Variants in IGF2R observed in about 807,000 individuals in gnomAD.
The protein encoded by IGF2R is insulin like growth factor 2 receptor.
IGF2R carries 91 observed loss-of-function variants against 270.6 expected under a neutral mutation model. That is an observed-to-expected ratio of 0.34 (90% CI 0.28 to 0.40). The LOEUF (loss-of-function observed/expected upper bound fraction) is 0.40, where lower values mean the gene tolerates loss of function less well. Among genes scored for constraint, IGF2R ranks in the 10% least tolerant of loss-of-function variants. The pLI is 1.00. For synonymous variants in IGF2R, 1,316 were observed against 1,258.9 expected, an observed-to-expected ratio of 1.05 and a Z score of -0.96; for missense variants, 2,805 against 3,188.3, an observed-to-expected ratio of 0.88 and a Z score of 2.90.
chr6:160,050,141 G>A lies in IGF2R; in HGVS notation c.2515-332G>A, dbSNP rs1195344640. ...CTGAAGAACATCTTACACGATTATT[G>A]AACGAAAGCCTTATGATTCCAATGC... On this transcript the variant is annotated intron_variant, in intron 18 of 47. Transcript: ENST00000356956. This position sits in a 1 kb window ranked among gnomAD's most constrained non-coding sequence, Gnocchi z 4.0. Among the ~76,000 whole-genome samples, 1 of 152,204 alleles carries A rather than the reference G, an allele frequency of 6.6e-6. No individual in the cohort carries two copies. The highest frequency in any genetic ancestry group is 1.5e-5 in the Non-Finnish European group (1 of 68,034).
In IGF2R at chr6:160,043,160, A is replaced by G. The variant is rs371868713; in HGVS notation, c.1493A>G (p.Asn498Ser). 1.4e-5 allele frequency: 23 copies of G among 1,614,064 alleles called. No individual in the cohort carries two copies. The African/African-American group carries it at 2.4e-4, about 17-fold the overall frequency. The change falls in exon 12 of 48, where the codon AAT (asparagine) becomes AGT (serine). Residue 498 changes from asparagine (N) to serine (S), a missense_variant. Asn to Ser is a conservative substitution (Grantham distance 46). Transcript: ENST00000356956. ...ALVRHAEPEQ[N>S]WEAVDGSQTE... The stretch of plus-strand genomic sequence containing the variant: ...TGTTTTGTTACAGAACCAGAGCAGA[A>G]TTGGGAAGCTGTGGATGGCAGTCAG...
At chr6:160,056,609 C>G (rs1778323015) in intron 20 of IGF2R, 84 bp downstream of exon 20, 7 of 869,714 alleles carry the variant, frequency 8.0e-6, no homozygotes, top group South Asian at 7.9e-5. Flanking sequence ...TCTGAACCGA[C>G]CCCTGCCCCT....
At chr6:159,989,448 AAC>A (rs1252280303) in intron 1 of IGF2R, among the ~76,000 whole-genome samples, 4 of 152,274 alleles carry the variant, frequency 2.6e-5, no homozygotes, top group African/African-American at 9.6e-5. Flanking sequence ...TAGGGTGAAT[AAC>A]ACAGTTATGT....
chr6:159,998,361 T>C lies in IGF2R; in HGVS notation c.289+7038T>C, dbSNP rs1368178093. On this transcript the variant is annotated intron_variant, in intron 2 of 47. Transcript: ENST00000356956. This position sits in a 1 kb window ranked among gnomAD's most constrained non-coding sequence, Gnocchi z 4.1. ...TGAAGGATAATTTGTGAGCTTGGCC[T>C]CACTGGACAAAGTTTGAGTTTGACC... Among the ~76,000 whole-genome samples, 1 of 152,204 alleles carries C rather than the reference T, an allele frequency of 6.6e-6. No individual in the cohort carries two copies. Among genetic ancestry groups the C allele is most frequent in the Non-Finnish European group, 1.5e-5 (1 of 68,020 alleles).
At chr6:160,056,295 G>C (rs1778315570) in intron 19 of IGF2R, 129 bp from the exon 20 acceptor site, 2 of 676,748 alleles carry the variant, frequency 3.0e-6, no homozygotes, top group Admixed American at 4.3e-5. Flanking sequence ...TAAGTGCCTA[G>C]CTTATTGGCT....
At chr6:160,101,305 T>G (rs961358629) in intron 45 of IGF2R, among the ~76,000 whole-genome samples, 9 of 152,222 alleles carry the variant, frequency 5.9e-5, no homozygotes, top group African/African-American at 2.2e-4. Context: ...CGAGTGGTCC[T>G]GAGTGGCTGG....
At chr6:160,078,755 C>T (rs1778910268) in intron 37 of IGF2R, among the ~76,000 whole-genome samples, 1 of 152,182 alleles carries the variant, frequency 6.6e-6, no homozygotes, top group South Asian at 2.1e-4. Flanking sequence ...ATTCCTCCAA[C>T]CTGGTTGAAG....
intron 4 of IGF2R, among the ~76,000 whole-genome samples, chr6:160,017,970 A>G (rs1777344498): frequency 6.6e-6 from 1 of 152,184 alleles, no homozygotes; most frequent in Non-Finnish European, 1.5e-5. Context: ...ACTAGGAAAC[A>G]GTTAGCATTA....
chr6:160,061,968 G>A, intron 25 of IGF2R, 40 bp downstream of exon 25: 2 of 1,583,194 alleles, frequency 1.3e-6, no homozygotes, highest in South Asian at 1.1e-5. Flanking sequence ...GTCCCCGGGT[G>A]ACTCCATTTC....
chr6:159,989,871 A>G (rs1477733571), intron 1 of IGF2R, among the ~76,000 whole-genome samples: 2 of 152,266 alleles, frequency 1.3e-5, no homozygotes, highest in Non-Finnish European at 2.9e-5. Context: ...TTTGAGAATA[A>G]TTGTTTTCAC....
In IGF2R at chr6:160,029,603, G is replaced by A. The variant is rs148289420; in HGVS notation, c.830G>A (p.Gly277Asp). The A allele has an allele frequency of 1.9e-5, 31 of 1,614,048 alleles. No individual in the cohort carries two copies. Among genetic ancestry groups the A allele is most frequent in the Non-Finnish European group, 2.2e-5 (26 of 1,180,002 alleles). The change falls in exon 7 of 48, where the codon GGT (glycine) becomes GAT (aspartate). Residue 277 changes from glycine (G) to aspartate (D), a missense_variant. Coordinates refer to ENST00000356956, the MANE Select transcript of IGF2R (RefSeq NM_000876.4). ...GCAGGAAAGCTAGACTTTTGTGATG[G>A]TCACAGCCCTGCGGTGACTATTACA... ...EEAGKLDFCDGHSPAVTITFV... is the reference protein window; with the variant it reads ...EEAGKLDFCDDHSPAVTITFV...
chr6:160,066,866 T>C (rs1778595860), intron 29 of IGF2R, among the ~76,000 whole-genome samples: 1 of 152,230 alleles, frequency 6.6e-6, no homozygotes, highest in Non-Finnish European at 1.5e-5. Context: ...TCCCATCACC[T>C]TCAGGCAGCT....
At chr6:160,069,374 T>C (rs1778664743) in intron 30 of IGF2R, among the ~76,000 whole-genome samples, 2 of 152,168 alleles carry the variant, frequency 1.3e-5, no homozygotes, top group Admixed American at 1.3e-4. Context: ...GTGGTTCCAC[T>C]TCCCCTTGCT....
intron 1 of IGF2R, among the ~76,000 whole-genome samples, chr6:159,978,501 C>T (rs1433895963): frequency 4.6e-5 from 7 of 152,110 alleles, no homozygotes; most frequent in Admixed American, 2.0e-4. Context: ...CTAACTTCTG[C>T]ACATGGTCAA....
intron 39 of IGF2R, among the ~76,000 whole-genome samples, chr6:160,082,330 A>T (rs1197282755): frequency 1.3e-5 from 2 of 148,598 alleles, no homozygotes; most frequent in African/African-American, 2.5e-5. Context: ...TTTTTTTGAG[A>T]TGGAGTTTTG....
At chr6:160,090,952 C>A (rs529273248) in intron 44 of IGF2R, among the ~76,000 whole-genome samples, 1 of 128,386 alleles carries the variant, frequency 7.8e-6, no homozygotes, top group Non-Finnish European at 1.6e-5. Flanking sequence ...AGCGCATCGC[C>A]GAGAAGGAGC....
intron 22 of IGF2R, among the ~76,000 whole-genome samples, chr6:160,060,334 T>C (rs1223762459): frequency 6.6e-6 from 1 of 152,272 alleles, no homozygotes. Flanking sequence ...AGTGAGTGTG[T>C]AAACCTGTCA....
At chr6:160,082,463 C>T (rs1239722814) in intron 39 of IGF2R, among the ~76,000 whole-genome samples, 1 of 152,098 alleles carries the variant, frequency 6.6e-6, no homozygotes, top group African/African-American at 2.4e-5. Flanking sequence ...GGGCCCGCCA[C>T]CTCACCCAGC....
chr6:160,054,960 G>C (rs1004787686), intron 19 of IGF2R, among the ~76,000 whole-genome samples: 1 of 152,044 alleles, frequency 6.6e-6, no homozygotes, highest in Non-Finnish European at 1.5e-5. Flanking sequence ...TCACCTGCCT[G>C]GTCTGCTTTG....
Sources: allele counts gnomAD v4.1 joint callset (sites outside exome capture counted in the v4.1 genomes callset), GRCh38; gene constraint gnomAD v4.1.1; non-coding constraint Gnocchi (gnomAD v3.1); transcripts MANE v1.5; gene names NCBI Gene and HGNC (gene_info 2026-07-23, HGNC 2026-07-21).